The following MTUS2 variants were observed in gnomAD, a reference collection of about 807,000 sequenced individuals.
MTUS2 encodes microtubule associated scaffold protein 2.
In MTUS2, 40 loss-of-function variants were observed where a neutral mutation model predicts 114.1. The observed-to-expected ratio is 0.35, with a 90% CI of 0.27 to 0.46. MTUS2 has a LOEUF of 0.46. Ranked by LOEUF, MTUS2 falls within the 20% of genes least tolerant of loss-of-function variation. MTUS2 has a pLI of 1.00. For synonymous variants in MTUS2, 688 were observed against 672.0 expected (o/e 1.02, Z -0.37); for missense variants, 1,679 against 1,705.4 (o/e 0.98, Z 0.27).
At chr13:28,909,174 C>G (rs1880243006) in intron 2 of MTUS2, among the ~76,000 whole-genome samples, 1 of 150,982 alleles carries the variant, frequency 6.6e-6, no homozygotes, top group Non-Finnish European at 1.5e-5. Context: ...GCGATGCGGG[C>G]TTTTTTTTGG....
chr13:29,040,658 C>G (rs1387531838), intron 4 of MTUS2, among the ~76,000 whole-genome samples: 1 of 152,136 alleles, frequency 6.6e-6, no homozygotes, highest in Non-Finnish European at 1.5e-5. Context: ...GGCATTCTTG[C>G]AGGAGTAAGG....
chr13:29,151,742 A>G (rs1892671257), intron 5 of MTUS2, among the ~76,000 whole-genome samples: 1 of 152,168 alleles, frequency 6.6e-6, no homozygotes, highest in African/African-American at 2.4e-5. Context: ...TTTTATCATA[A>G]AGGAATTTTG....
intron 2 of MTUS2, among the ~76,000 whole-genome samples, chr13:28,936,953 T>G (rs929830065): frequency 6.6e-6 from 1 of 152,224 alleles, no homozygotes; most frequent in African/African-American, 2.4e-5. Context: ...TGTGACCTTC[T>G]GTATGGGATG....
intron 14 of MTUS2, among the ~76,000 whole-genome samples, chr13:29,498,990 C>T (rs1882725631): frequency 6.6e-6 from 1 of 152,162 alleles, no homozygotes; most frequent in South Asian, 2.1e-4. Flanking sequence ...CCAGTGCTTC[C>T]AGTCCTCACA....
chr13:29,288,821 C>T (rs1280027490), intron 6 of MTUS2, among the ~76,000 whole-genome samples: 1 of 152,162 alleles, frequency 6.6e-6, no homozygotes, highest in African/African-American at 2.4e-5. Flanking sequence ...CAGGGCACTC[C>T]ATAATGCCTG....
intron 5 of MTUS2, among the ~76,000 whole-genome samples, chr13:29,175,669 A>G (rs1414426449): frequency 6.6e-6 from 1 of 152,216 alleles, no homozygotes; most frequent in Non-Finnish European, 1.5e-5. Context: ...GCAAGACAAT[A>G]GGGTGTTGCT....
At chr13:29,306,535 A>G (rs1165302674) in intron 6 of MTUS2, among the ~76,000 whole-genome samples, 1 of 152,238 alleles carries the variant, frequency 6.6e-6, no homozygotes, top group Non-Finnish European at 1.5e-5. Context: ...ACTCCCATTC[A>G]CAATTACTAC....
intron 2 of MTUS2, among the ~76,000 whole-genome samples, chr13:28,987,235 G>A (rs149178783): frequency 1.2e-4 from 19 of 152,332 alleles, no homozygotes; most frequent in Non-Finnish European, 2.5e-4. Flanking sequence ...CCTGTGGCAA[G>A]AGGCAACCCT....
intron 2 of MTUS2, among the ~76,000 whole-genome samples, chr13:28,994,825 C>T (rs142081736): frequency 0.018 from 2,749 of 152,102 alleles, 84 homozygotes; most frequent in African/African-American, 0.062. Flanking sequence ...GAGTAGGTTG[C>T]GAAAATTTTC....
intron 2 of MTUS2, among the ~76,000 whole-genome samples, chr13:28,877,652 G>C (rs1878027651): frequency 6.6e-6 from 1 of 152,156 alleles, no homozygotes; most frequent in Non-Finnish European, 1.5e-5. Context: ...TAAATCCTGT[G>C]ACTAACGTAG....
intron 9 of MTUS2, among the ~76,000 whole-genome samples, chr13:29,460,844 C>T (rs1879434267): frequency 6.6e-6 from 1 of 150,386 alleles, no homozygotes; most frequent in Non-Finnish European, 1.5e-5. Flanking sequence ...TATTCACAGA[C>T]ACATTCATAG....
chr13:28,948,643 A>G (rs778924456), intron 2 of MTUS2, among the ~76,000 whole-genome samples: 1 of 152,198 alleles, frequency 6.6e-6, no homozygotes, highest in Non-Finnish European at 1.5e-5. Flanking sequence ...CTGTTGAAAT[A>G]TCAGAGGAGG....
intron 4 of MTUS2, among the ~76,000 whole-genome samples, chr13:29,059,919 G>T (rs1165607068): frequency 6.6e-6 from 1 of 152,218 alleles, no homozygotes; most frequent in Non-Finnish European, 1.5e-5. Context: ...GGCTGTGCCT[G>T]CCAGCTGAGT....
chr13:28,882,494 CAG>C (rs1385475305), intron 2 of MTUS2, among the ~76,000 whole-genome samples: 1 of 152,126 alleles, frequency 6.6e-6, no homozygotes, highest in African/African-American at 2.4e-5. Context: ...CCCAGCAACT[CAG>C]GGGCTGGGGT....
intron 2 of MTUS2, among the ~76,000 whole-genome samples, chr13:28,900,474 A>G (rs899318999): frequency 6.6e-6 from 1 of 152,234 alleles, no homozygotes; most frequent in Non-Finnish European, 1.5e-5. Flanking sequence ...AATCCCTTGC[A>G]ACTGCTGATC....
At chr13:29,383,423 T>C (rs1357833339) in intron 8 of MTUS2, among the ~76,000 whole-genome samples, 1 of 152,074 alleles carries the variant, frequency 6.6e-6, no homozygotes, top group Non-Finnish European at 1.5e-5. Context: ...CCCAGTGAGC[T>C]CCTCTGGAGG....
At chr13:29,423,886 T>C (rs940876889) in intron 8 of MTUS2, among the ~76,000 whole-genome samples, 3 of 151,296 alleles carry the variant, frequency 2.0e-5, no homozygotes, top group African/African-American at 7.3e-5. Context: ...TTTTCTGAGA[T>C]GGAGTCTCAC....
chr13:28,946,722 T>C (rs899381761), intron 2 of MTUS2, among the ~76,000 whole-genome samples: 2 of 152,180 alleles, frequency 1.3e-5, no homozygotes, highest in South Asian at 4.1e-4. Context: ...GGGTTTTTTT[T>C]TTCTTTTTGT....
intron 8 of MTUS2, among the ~76,000 whole-genome samples, chr13:29,401,075 C>A (rs907675105): frequency 1.3e-5 from 2 of 152,194 alleles, no homozygotes; most frequent in Non-Finnish European, 2.9e-5. Flanking sequence ...GCAAACGCCA[C>A]CTCTCAGGGT....
Sources: gnomAD v4.1 joint callset for allele counts (sites outside exome capture counted in the v4.1 genomes callset) on GRCh38, gnomAD v4.1.1 for gene constraint, MANE v1.5 for transcripts, NCBI Gene and HGNC (gene_info 2026-07-23, HGNC 2026-07-21) for gene names.